ZSWIM9: variants seen among roughly 807,000 people sequenced by gnomAD.
The protein encoded by ZSWIM9 is zinc finger SWIM-type containing 9.
A neutral mutation model predicts 25.0 loss-of-function variants in ZSWIM9; 11 were observed. That is an observed-to-expected ratio of 0.44 (90% confidence interval 0.28 to 0.73). The LOEUF is 0.73. Among genes scored for constraint, ZSWIM9 ranks in the 30% least tolerant of loss-of-function variants. ZSWIM9 has a pLI of 0.16. For synonymous variants in ZSWIM9, 562 were observed against 582.1 expected, an observed-to-expected ratio of 0.97 and a Z score of 0.50; for missense variants, 1,070 against 1,296.5, an observed-to-expected ratio of 0.83 and a Z score of 2.68.
rs1405562774 is a variant in ZSWIM9, at chr19:48,195,406, G to T, written c.1342G>T (p.Asp448Tyr). 8.9e-6 allele frequency: 13 copies of T among 1,466,898 alleles called. No homozygotes were observed. The highest frequency in any genetic ancestry group is 1.2e-5 in the Non-Finnish European group (13 of 1,119,102). 90.9% of individuals were successfully genotyped at this position (1,466,898 alleles called of 1,614,324 possible). The stretch of plus-strand genomic sequence containing the variant: ...CGGGGAGGCGGTGCCCGAGGGGCCC[G>T]ATGGCGGGGGGCCTTGGCTGGAGGA... Reference protein sequence around the residue: ...AAGEAVPEGPDGGGPWLEDEP... With the variant: ...AAGEAVPEGPYGGGPWLEDEP... Residue 448 changes from aspartate (D) to tyrosine (Y), a missense_variant, in exon 4 of 4, where the codon GAT becomes TAT. Coordinates refer to ENST00000614654, the MANE Select transcript of ZSWIM9 (RefSeq NM_199341.4). The surrounding 1 kb of genome is among the most constrained non-coding windows in gnomAD (Gnocchi z 5.8).
At chr19:48,183,678 C>A (rs1259281226) in intron 3 of ZSWIM9, among the ~76,000 whole-genome samples, 1 of 150,460 alleles carries the variant, frequency 6.6e-6, no homozygotes, top group Admixed American at 6.6e-5. Flanking sequence ...CTCACTGTCA[C>A]CCAGGCTGAG....
intron 3 of ZSWIM9, among the ~76,000 whole-genome samples, chr19:48,185,375 T>TC (rs1161864139): frequency 2.0e-5 from 3 of 152,206 alleles, no homozygotes; most frequent in Non-Finnish European, 2.9e-5. Context: ...CCTCAGGTGA[T>TC]CCCCCCGCCT....
intron 3 of ZSWIM9, chr19:48,183,028 T>C: frequency 2.1e-6 from 1 of 482,896 alleles, no homozygotes; most frequent in Non-Finnish European, 3.7e-6. Context: ...AAACGTTCTG[T>C]GATTCTGCAC....
rs1476005008 is a variant in ZSWIM9 at position 48,196,578 on chromosome 19, G to A, written c.2514G>A (p.Val838=). ...AACGPELADL[V]AEELAFARQH... Reference sequence around the variant, plus strand: ...GCGGGCCAGAGCTGGCAGACCTGGTGGCTGAGGAGTTGGCCTTTGCTAGGC... The same window carrying A: ...GCGGGCCAGAGCTGGCAGACCTGGTAGCTGAGGAGTTGGCCTTTGCTAGGC... Residue 838 remains valine (V), a synonymous_variant, in exon 4 of 4, where the codon GTG becomes GTA. Coordinates refer to ENST00000614654, the MANE Select transcript of ZSWIM9 (RefSeq NM_199341.4). The A allele has an allele frequency of 8.1e-7, 1 of 1,232,402 alleles. No homozygotes were observed. Among genetic ancestry groups the A allele is most frequent in the Non-Finnish European group, 1.0e-6 (1 of 988,302 alleles). 76.3% of individuals were successfully genotyped at this position (1,232,402 alleles called of 1,614,324 possible). A position where few individuals can be genotyped will look rare whatever the true frequency, so the allele number is the denominator to read the frequency against.
At chr19:48,172,133 T>TG in intron 2 of ZSWIM9, 56 bp downstream of exon 2, 4 of 665,936 alleles carry the variant, frequency 6.0e-6, no homozygotes, top group Non-Finnish European at 6.9e-6. Flanking sequence ...CGGGGGTGGG[T>TG]GTGGGTGGGA....
At chr19:48,187,426 AT>A (rs2037028032) in intron 3 of ZSWIM9, among the ~76,000 whole-genome samples, 1 of 105,192 alleles carries the variant, frequency 9.5e-6, no homozygotes, top group African/African-American at 3.7e-5. Flanking sequence ...ATTATATATT[AT>A]ATTATATTAT....
chr19:48,178,903 T>C (rs906228482), intron 2 of ZSWIM9, among the ~76,000 whole-genome samples: 1 of 152,174 alleles, frequency 6.6e-6, no homozygotes, highest in African/African-American at 2.4e-5. Flanking sequence ...TGAAGTTTTA[T>C]TGGAACATAG....
chr19:48,175,868 C>G (rs967204404), intron 2 of ZSWIM9, among the ~76,000 whole-genome samples: 4 of 152,174 alleles, frequency 2.6e-5, no homozygotes, highest in Non-Finnish European at 1.5e-5. Context: ...TCAATACACA[C>G]CGGCCGTTGA....
intron 2 of ZSWIM9, among the ~76,000 whole-genome samples, chr19:48,179,498 T>A (rs2036925896): frequency 6.6e-6 from 1 of 152,190 alleles, no homozygotes; most frequent in African/African-American, 2.4e-5. Context: ...ACAGTGTTGG[T>A]TGCAACTCTC....
At position 48,194,953 on chromosome 19, in the gene ZSWIM9, G is replaced by C; in HGVS notation, c.889G>C (p.Glu297Gln). 1 of 1,327,312 alleles carries C rather than the reference G, an allele frequency of 7.5e-7. No individual in the cohort carries two copies. The highest frequency in any genetic ancestry group is 9.6e-7 in the Non-Finnish European group (1 of 1,040,612). 82.2% of individuals were successfully genotyped at this position (1,327,312 alleles called of 1,614,324 possible). ...GRVRCLTAGP[E>Q]VAAQLPAVRQ... The stretch of plus-strand genomic sequence containing the variant: ...CGTGCGCTGCCTCACCGCCGGGCCC[G>C]AGGTGGCGGCGCAGTTGCCTGCAGT... The change falls in exon 4 of 4, where the codon GAG becomes CAG. Residue 297 changes from glutamate to glutamine, a missense_variant. Physicochemically the swap from Glu to Gln is conservative, Grantham distance 29. Transcript: ENST00000614654. The surrounding 1 kb of genome is among the most constrained non-coding windows in gnomAD (Gnocchi z 6.0).
chr19:48,170,827 G>C (rs274865), intron 1 of ZSWIM9, 113 bp downstream of exon 1: 10,909 of 159,020 alleles, frequency 0.069, 1,232 homozygotes, highest in African/African-American at 0.22. Context: ...GGAGTAGGAG[G>C]GTCGGGAGCG....
rs890663638 is a variant in ZSWIM9 at position 48,195,846 on chromosome 19, C to T, written c.1782C>T (p.Thr594=). The part of the protein sequence containing the change: ...DQALRGLEGY[T]WRVAQLEDRR... ...CGCTAAGAGGATTGGAAGGGTATAC[C>T]TGGAGGGTGGCCCAGCTGGAAGATC... Residue 594 remains threonine, a synonymous_variant, in exon 4 of 4, where the codon ACC becomes ACT. Coordinates refer to ENST00000614654, the MANE Select transcript of ZSWIM9 (RefSeq NM_199341.4). The surrounding 1 kb of genome is among the most constrained non-coding windows in gnomAD (Gnocchi z 5.8). 1 of 1,437,034 alleles carries T rather than the reference C, an allele frequency of 7.0e-7. No homozygotes were observed. The highest frequency in any genetic ancestry group is 1.5e-5 in the African/African-American group (1 of 68,402). 89.0% of individuals were successfully genotyped at this position (1,437,034 alleles called of 1,614,324 possible). A position where few individuals can be genotyped will look rare whatever the true frequency, so the allele number is the denominator to read the frequency against.
intron 3 of ZSWIM9, chr19:48,189,392 C>T (rs948483254): frequency 6.6e-6 from 1 of 152,072 alleles, no homozygotes; most frequent in East Asian, 1.9e-4. Context: ...CATGGTGAAA[C>T]CCTGTCACTA....
Position 48,196,557 on chromosome 19 carries a change from G to C in ZSWIM9, c.2493G>C (p.Gly831=). 1 of 1,232,650 alleles carries C rather than the reference G, an allele frequency of 8.1e-7. No individual in the cohort carries two copies. Among genetic ancestry groups the C allele is most frequent in the East Asian group, 3.2e-5 (1 of 31,686 alleles). The allele number at this position is 1,232,650 out of a possible 1,614,324, so 76.4% of individuals were successfully genotyped here. A position where few individuals can be genotyped will look rare whatever the true frequency, so the allele number is the denominator to read the frequency against. Residue 831 remains glycine, a synonymous_variant, in exon 4 of 4, where the codon GGG becomes GGC. Coordinates refer to ENST00000614654, the MANE Select transcript of ZSWIM9 (RefSeq NM_199341.4). ...EPLAKFRAAC[G]PELADLVAEE... ...TGGCCAAATTCCGAGCAGCCTGCGG[G>C]CCAGAGCTGGCAGACCTGGTGGCTG...
rs1599938395 is a variant in ZSWIM9, at chr19:48,195,405, C to G, written c.1341C>G (p.Pro447=). ...DAAGEAVPEG[P]DGGGPWLEDE... ...CCGGGGAGGCGGTGCCCGAGGGGCC[C>G]GATGGCGGGGGGCCTTGGCTGGAGG... The change falls in exon 4 of 4, where the codon CCC becomes CCG. Residue 447 remains proline (P), a synonymous_variant. Coordinates refer to ENST00000614654, the MANE Select transcript of ZSWIM9 (RefSeq NM_199341.4). The surrounding 1 kb of genome is among the most constrained non-coding windows in gnomAD (Gnocchi z 5.8). The G allele has an allele frequency of 3.4e-6, 5 of 1,467,310 alleles. No individual in the cohort carries two copies. Among genetic ancestry groups the G allele is most frequent in the South Asian group, 1.4e-5 (1 of 71,824 alleles). 90.9% of individuals were successfully genotyped at this position (1,467,310 alleles called of 1,614,324 possible). A position where few individuals can be genotyped will look rare whatever the true frequency, so the allele number is the denominator to read the frequency against.
In ZSWIM9 at chr19:48,197,209, A is replaced by G. The variant is rs1490086326; in HGVS notation, c.*382A>G. 1 of 701,502 alleles carries G rather than the reference A, an allele frequency of 1.4e-6. No homozygotes were observed. Among genetic ancestry groups the G allele is most frequent in the Non-Finnish European group, 2.6e-6 (1 of 384,348 alleles). The allele number at this position is 701,502 out of a possible 1,614,324, so 43.5% of individuals were successfully genotyped here. A position where few individuals can be genotyped will look rare whatever the true frequency, so the allele number is the denominator to read the frequency against. On this transcript the variant is annotated 3_prime_UTR_variant, in exon 4 of 4. Coordinates refer to ENST00000614654, the MANE Select transcript of ZSWIM9 (RefSeq NM_199341.4). ...CTGGCAAGAGTAGACTGGCCAGTCT[A>G]GGGAGTGCAGCGGGGAGAGGGGAAA...
In ZSWIM9 at chr19:48,195,284, G is replaced by A. The variant is rs780754611; in HGVS notation, c.1220G>A (p.Arg407Gln). 6.5e-6 allele frequency: 10 copies of A among 1,529,642 alleles called. No individual in the cohort carries two copies. Among genetic ancestry groups the A allele is most frequent in the South Asian group, 2.4e-5 (2 of 83,874 alleles). The allele number at this position is 1,529,642 out of a possible 1,614,324, so 94.8% of individuals were successfully genotyped here. The change falls in exon 4 of 4, where the codon CGA becomes CAA. Residue 407 changes from arginine to glutamine, a missense_variant. By Grantham distance (43) the Arg-to-Gln change is conservative. Coordinates refer to ENST00000614654, the MANE Select transcript of ZSWIM9 (RefSeq NM_199341.4). The surrounding 1 kb of genome is among the most constrained non-coding windows in gnomAD (Gnocchi z 5.8). ...ARDLDACALV[R>Q]GHRRRLLRRL... ...GACCTGGACGCGTGTGCCCTGGTGC[G>A]AGGCCACCGCCGGCGACTGCTGCGT...
intron 3 of ZSWIM9, among the ~76,000 whole-genome samples, chr19:48,187,526 A>T (rs1384323173): frequency 1.2e-5 from 1 of 83,574 alleles, no homozygotes; most frequent in Non-Finnish European, 2.2e-5. Flanking sequence ...TATATTATAT[A>T]TTATATTATT....
At chr19:48,175,020 C>A (rs1599921338) in intron 2 of ZSWIM9, among the ~76,000 whole-genome samples, 2 of 152,078 alleles carry the variant, frequency 1.3e-5, no homozygotes, top group African/African-American at 4.8e-5. Context: ...GAGGAGGATA[C>A]AAAGGGAGTG....
Sources: gnomAD v4.1 joint callset for allele counts (sites outside exome capture counted in the v4.1 genomes callset) on GRCh38, gnomAD v4.1.1 for gene constraint, Gnocchi (gnomAD v3.1) non-coding constraint, MANE v1.5 for transcripts, NCBI Gene and HGNC (gene_info 2026-07-23, HGNC 2026-07-21) for gene names.